Variants in IARS2 observed in about 807,000 individuals in gnomAD.
IARS2 encodes the protein isoleucyl-tRNA synthetase 2, mitochondrial, also known as isoleucine--tRNA ligase, mitochondrial.
A neutral mutation model predicts 126.3 loss-of-function variants in IARS2; 56 were observed. That is an observed-to-expected ratio of 0.44 (90% CI 0.36 to 0.55). The LOEUF (loss-of-function observed/expected upper bound fraction) is 0.55, where lower values mean the gene tolerates loss of function less well. Ranked by LOEUF, IARS2 falls within the 20% of genes least tolerant of loss-of-function variation. The probability of loss-of-function intolerance (pLI) is 0.00; values close to 1 mark genes in which losing one functional copy is unlikely to be tolerated. For missense variants in IARS2, 1,127 were observed against 1,245.9 expected (o/e 0.90, Z 1.44); for synonymous variants, 407 against 441.1 (o/e 0.92, Z 0.97).
rs114389757 is a variant in IARS2, at chr1:220,138,961, G to A, written c.2176-47G>A. On this transcript the variant is annotated intron_variant, in intron 17 of 22. Coordinates refer to ENST00000366922, the MANE Select transcript of IARS2 (RefSeq NM_018060.4). ...AATAACTTTTCAGTGAAAATTGAAG[G>A]CACCATTAGATTTTTTTAACTGCAT... 6.2e-3 allele frequency: 9,613 copies of A among 1,541,148 alleles called. 35 individuals carry two copies. Among genetic ancestry groups the A allele is most frequent in the Non-Finnish European group, 7.9e-3 (8,970 of 1,131,562 alleles).
chr1:220,103,679 G>GA (rs1172096627), intron 8 of IARS2, 117 bp downstream of exon 8: 1 of 614,446 alleles, frequency 1.6e-6, no homozygotes, highest in Admixed American at 2.5e-5. Context: ...TACCTTTCTA[G>GA]AATACATTTT....
intron 21 of IARS2, among the ~76,000 whole-genome samples, chr1:220,144,560 T>A (rs1657552982): frequency 1.3e-5 from 2 of 152,200 alleles, no homozygotes; most frequent in African/African-American, 4.8e-5. Context: ...TGGGAAGCTG[T>A]TCATTTTACA....
chr1:220,096,890 C>CA (rs1406987190), intron 2 of IARS2, among the ~76,000 whole-genome samples: 1 of 152,010 alleles, frequency 6.6e-6, no homozygotes, highest in Admixed American at 6.6e-5. Context: ...ACTAAAAATA[C>CA]AAAAAATTAG....
rs1013226771 is a variant in IARS2, at chr1:220,140,916, A to G, written c.2414+627A>G. 1.0e-4 allele frequency among the ~76,000 whole-genome samples: 15 copies of G among 149,766 alleles called. 1 individual carries two copies. The highest frequency in any genetic ancestry group is 3.0e-5 in the Non-Finnish European group (2 of 67,528). On this transcript the variant is annotated intron_variant, in intron 19 of 22. Transcript: ENST00000366922. ...GGAGAATGGCGTGAACCCGGGAGGC[A>G]GAGCTTGCAGTGAGCCGAGATCGTG...
At chr1:220,117,266 A>G (rs892939301) in intron 12 of IARS2, among the ~76,000 whole-genome samples, 4 of 133,476 alleles carry the variant, frequency 3.0e-5, no homozygotes, top group African/African-American at 1.2e-4. Context: ...ATCTCAGCTC[A>G]CTGCAATCTC....
rs756451553 is a variant in IARS2 at position 220,134,504 on chromosome 1, C to T, written c.1940C>T (p.Pro647Leu). 1 of 1,607,036 alleles carries T rather than the reference C, an allele frequency of 6.2e-7. No individual in the cohort carries two copies. Among genetic ancestry groups the T allele is most frequent in the South Asian group, 1.1e-5 (1 of 90,096 alleles). The change falls in exon 15 of 23, where the codon CCT becomes CTT. Residue 647 changes from proline to leucine, a missense_variant. Transcript: ENST00000366922. ...LTSVAARKRAPYKTVIVHGFT... is the reference protein window; with the variant it reads ...LTSVAARKRALYKTVIVHGFT... Reference sequence around the variant, plus strand: ...AGTGTGGCAGCAAGGAAGAGAGCACCTTATAAGTAAGTATTTATGCCTGAA... The same window carrying T: ...AGTGTGGCAGCAAGGAAGAGAGCACTTTATAAGTAAGTATTTATGCCTGAA...
At chr1:220,125,792 G>A (rs931518738) in intron 13 of IARS2, among the ~76,000 whole-genome samples, 6 of 151,930 alleles carry the variant, frequency 3.9e-5, no homozygotes, top group Non-Finnish European at 8.8e-5. Flanking sequence ...GACAGAGTGA[G>A]AGCCCATCCC....
At chr1:220,142,320 G>A (rs1443994251) in intron 20 of IARS2, among the ~76,000 whole-genome samples, 2 of 152,108 alleles carry the variant, frequency 1.3e-5, no homozygotes, top group African/African-American at 2.4e-5. Flanking sequence ...CCAACATGGC[G>A]AAACCCCATC....
chr1:220,094,717 G>A (rs530986937), intron 1 of IARS2, among the ~76,000 whole-genome samples: 55 of 152,358 alleles, frequency 3.6e-4, no homozygotes, highest in African/African-American at 1.3e-3. Flanking sequence ...ACATTAAGGG[G>A]TCACTAGCGA....
chr1:220,102,027 A>T lies in IARS2; in HGVS notation c.551-102A>T, dbSNP rs754294588. On this transcript the variant is annotated intron_variant, in intron 3 of 22. Transcript: ENST00000366922. Reference sequence around the variant, plus strand: ...GTGTCTCAAAAAAAATTTGCATTCTAAACTGTCTGTAGCATTTGCATTTAG... The same window carrying T: ...GTGTCTCAAAAAAAATTTGCATTCTTAACTGTCTGTAGCATTTGCATTTAG... The T allele has an allele frequency of 2.9e-4, 336 of 1,156,732 alleles. 1 individual carries two copies. The highest frequency in any genetic ancestry group is 4.0e-4 in the Non-Finnish European group (324 of 805,452). The allele number at this position is 1,156,732 out of a possible 1,614,324, so 71.7% of individuals were successfully genotyped here.
At chr1:220,107,179 C>T in intron 10 of IARS2, 28 bp downstream of exon 10, 1 of 1,491,834 alleles carries the variant, frequency 6.7e-7, no homozygotes, top group Non-Finnish European at 9.4e-7. Flanking sequence ...TGATATCATA[C>T]ATGTTTTCTG....
intron 12 of IARS2, 85 bp downstream of exon 12, chr1:220,114,559 AC>A: frequency 9.8e-7 from 1 of 1,022,520 alleles, no homozygotes. Flanking sequence ...ATGATTAAGA[AC>A]CGTTTATATA....
intron 14 of IARS2, among the ~76,000 whole-genome samples, chr1:220,128,254 G>GC (rs1384010459): frequency 1.4e-5 from 2 of 141,528 alleles, no homozygotes; most frequent in Non-Finnish European, 1.5e-5. Flanking sequence ...GGGGTGGGGG[G>GC]CTGGGGGGTT....
intron 21 of IARS2, chr1:220,144,135 A>T: frequency 1.2e-6 from 1 of 820,300 alleles, no homozygotes; most frequent in African/African-American, 1.7e-5. Context: ...TGATGTCTCC[A>T]CACTTGTTTA....
intron 10 of IARS2, among the ~76,000 whole-genome samples, chr1:220,107,437 C>T (rs1656704216): frequency 6.6e-6 from 1 of 152,160 alleles, no homozygotes; most frequent in Admixed American, 6.5e-5. Flanking sequence ...AAGATCAGGG[C>T]TGGATGTTGA....
At position 220,103,487 on chromosome 1, in the gene IARS2, G is replaced by A. The variant is rs201619737; in HGVS notation, c.991G>A (p.Val331Ile). 2.1e-5 allele frequency: 34 copies of A among 1,613,188 alleles called. No individual in the cohort carries two copies. In the South Asian group the frequency reaches 2.5e-4, roughly 12 times the overall value. Reference sequence around the variant, plus strand: ...ATGTTCTAAGTCTGGAGACCTCTACGTACTGGCGGCAGATAAAGTAGCATC... The same window carrying A: ...ATGTTCTAAGTCTGGAGACCTCTACATACTGGCGGCAGATAAAGTAGCATC... ...VKCSKSGDLYVLAADKVASVA... is the reference protein window; with the variant it reads ...VKCSKSGDLYILAADKVASVA... The change falls in exon 8 of 23, where the codon GTA (valine) becomes ATA (isoleucine). Residue 331 changes from valine to isoleucine, a missense_variant. Val to Ile is a conservative substitution (Grantham distance 29). Transcript: ENST00000366922.
At chr1:220,142,894 T>C in intron 20 of IARS2, 50 bp from the exon 21 acceptor site, 1 of 1,321,662 alleles carries the variant, frequency 7.6e-7, no homozygotes, top group Non-Finnish European at 1.0e-6. Flanking sequence ...GAGCTTCATA[T>C]ACAGTTTAGG....
At chr1:220,129,935 A>T (rs993930513) in intron 14 of IARS2, among the ~76,000 whole-genome samples, 10 of 152,172 alleles carry the variant, frequency 6.6e-5, no homozygotes. Flanking sequence ...AACCTCCATA[A>T]TGTTTTTTAT....
At chr1:220,143,285 CTT>C in intron 21 of IARS2, 151 bp downstream of exon 21, 1 of 434,400 alleles carries the variant, frequency 2.3e-6, no homozygotes, top group Non-Finnish European at 4.0e-6. Flanking sequence ...TTTTCACATA[CTT>C]TTTCACTTTT....
Sources: allele counts gnomAD v4.1 joint callset (sites outside exome capture counted in the v4.1 genomes callset), GRCh38; gene constraint gnomAD v4.1.1; transcripts MANE v1.5; gene names NCBI Gene and HGNC (gene_info 2026-07-23, HGNC 2026-07-21).